KCNH2: variants seen among roughly 807,000 people sequenced by gnomAD.
KCNH2 encodes the protein potassium voltage-gated channel subfamily H member 2.
Under a neutral mutation model 95.9 loss-of-function variants are expected in KCNH2, and 35 were observed. That is an observed-to-expected ratio of 0.37 (90% CI 0.28 to 0.48). KCNH2 has a LOEUF of 0.48. Among genes scored for constraint, KCNH2 ranks in the 20% least tolerant of loss-of-function variants. The probability of loss-of-function intolerance (pLI) is 0.99; values close to 1 mark genes in which losing one functional copy is unlikely to be tolerated. For missense variants in KCNH2, 1,274 were observed against 1,702.9 expected (o/e 0.75, Z 4.43); for synonymous variants, 786 against 754.7 (o/e 1.04, Z -0.68).
At chr7:150,951,236 C>CGA in intron 7 of KCNH2, 116 bp from the exon 8 acceptor site, 1 of 1,038,584 alleles carries the variant, frequency 9.6e-7, no homozygotes, top group Non-Finnish European at 1.4e-6. Context: ...GACATGCCCA[C>CGA]GAGACGCCCT....
At position 150,948,542 on chromosome 7, in the gene KCNH2, G is replaced by A. The variant is rs768059097; in HGVS notation, c.2594C>T (p.Thr865Ile). Residue 865 changes from threonine to isoleucine, a missense_variant and splice_region_variant, in exon 11 of 15, where the codon ACC becomes ATC. Physicochemically the swap from Thr to Ile is moderately conservative, Grantham distance 89. Transcript: ENST00000262186. ...GCCGGGGGAGCCCGGGATCATGTTGGTCTGGAACCAAAATCAGTATCAGGG... is the reference window on the plus strand; with the variant it reads ...GCCGGGGGAGCCCGGGATCATGTTGATCTGGAACCAAAATCAGTATCAGGG... ...SLEITFNLRD[T>I]NMIPGSPGST... 1 of 1,613,438 alleles carries A rather than the reference G, an allele frequency of 6.2e-7. No individual in the cohort carries two copies. The highest frequency in any genetic ancestry group is 8.5e-7 in the Non-Finnish European group (1 of 1,179,830).
chr7:150,946,499 C>G lies in KCNH2; in HGVS notation c.3330+378G>C, dbSNP rs1800893936. On this transcript the variant is annotated intron_variant, in intron 14 of 14. Coordinates refer to ENST00000262186, the MANE Select transcript of KCNH2 (RefSeq NM_000238.4). This position sits in a 1 kb window ranked among gnomAD's most constrained non-coding sequence, Gnocchi z 6.5. The stretch of plus-strand genomic sequence containing the variant: ...GTATGCAGCCTCCACCGCCACGTCT[C>G]GGGCTCAGTCAGTTCTTGGAGACCA... 6.6e-6 allele frequency among the ~76,000 whole-genome samples: 1 copy of G among 152,202 alleles called. No individual in the cohort carries two copies. The highest frequency in any genetic ancestry group is 2.4e-5 in the African/African-American group (1 of 41,454).
rs1223105592 is a variant in KCNH2, at chr7:150,946,376, CT to C, written c.3330+500del. The stretch of plus-strand genomic sequence containing the variant: ...AATGCCAAGCACCCTCAAGATGACC[CT>C]GTGACAGCCACTGCCAAGGGCAAGG... On this transcript the variant is annotated intron_variant, in intron 14 of 14. Coordinates refer to ENST00000262186, the MANE Select transcript of KCNH2 (RefSeq NM_000238.4). This position sits in a 1 kb window ranked among gnomAD's most constrained non-coding sequence, Gnocchi z 6.5. 6.6e-6 allele frequency among the ~76,000 whole-genome samples: 1 copy of C among 152,202 alleles called. No individual in the cohort carries two copies. Among genetic ancestry groups the C allele is most frequent in the African/African-American group, 2.4e-5 (1 of 41,444 alleles).
Position 150,951,441 on chromosome 7 carries a change from C to T in KCNH2, c.1945+7G>A. Reference sequence around the variant, plus strand: ...TCTCCCCGCCGCCCGCCCCTGGGCACACTCACAGCCAATGAGCATGACGCA... The same window carrying T: ...TCTCCCCGCCGCCCGCCCCTGGGCATACTCACAGCCAATGAGCATGACGCA... On this transcript the variant is annotated splice_region_variant and intron_variant, in intron 7 of 14. Transcript: ENST00000262186. The T allele has an allele frequency of 6.2e-7, 1 of 1,613,910 alleles. No homozygotes were observed. The highest frequency in any genetic ancestry group is 1.1e-5 in the South Asian group (1 of 91,080).
At chr7:150,977,112 G>T (rs1801998123) in intron 1 of KCNH2, among the ~76,000 whole-genome samples, 1 of 151,954 alleles carries the variant, frequency 6.6e-6, no homozygotes, top group African/African-American at 2.4e-5. Context: ...GGCATTAGGG[G>T]TGCTGTACTC....
intron 2 of KCNH2, among the ~76,000 whole-genome samples, chr7:150,965,818 G>A (rs779463602): frequency 1.3e-5 from 2 of 152,170 alleles, no homozygotes; most frequent in African/African-American, 2.4e-5. Context: ...CTCAGGGGTG[G>A]TGATCTGCAG....
At chr7:150,948,319 G>T in intron 11 of KCNH2, 125 bp downstream of exon 11, 2 of 784,692 alleles carry the variant, frequency 2.5e-6, no homozygotes, top group Admixed American at 2.0e-5. Flanking sequence ...GTGTGGAGTG[G>T]GCACACTGGA....
chr7:150,958,112 A>G lies in KCNH2; in HGVS notation c.863T>C (p.Ile288Thr), dbSNP rs1563169608. 7.7e-7 allele frequency: 1 copy of G among 1,298,228 alleles called. No individual in the cohort carries two copies. Among genetic ancestry groups the G allele is most frequent in the Non-Finnish European group, 9.7e-7 (1 of 1,027,996 alleles). The allele number at this position is 1,298,228 out of a possible 1,614,324, so 80.4% of individuals were successfully genotyped here. ...CAGCACCCCGGCGCGCATGGCCTCG[A>G]TGTCGTCGGCCGACGAGGCGCGGCG... The part of the protein sequence containing the change: ...SVRRASSADD[I>T]EAMRAGVLPP... The change falls in exon 4 of 15, where the codon ATC (isoleucine) becomes ACC (threonine). Residue 288 changes from isoleucine (I) to threonine (T), a missense_variant. Ile to Thr is a moderately conservative substitution (Grantham distance 89). Around this residue, in one of 7 missense-constraint regions of KCNH2, gnomAD observed 392 missense variants for 429.9 expected, o/e 0.91. Coordinates refer to ENST00000262186, the MANE Select transcript of KCNH2 (RefSeq NM_000238.4).
Position 150,945,450 on chromosome 7 carries a change from G to C in KCNH2, c.3395C>G (p.Pro1132Arg). Reference sequence around the variant, plus strand: ...GCCCGGTAGGGAGAGGCGTCGTGTGGGGCCTTCTTGGGGAAGCTCTGGGGC... The same window carrying C: ...GCCCGGTAGGGAGAGGCGTCGTGTGCGGCCTTCTTGGGGAAGCTCTGGGGC... ...PGAPELPQEG[P>R]TRRLSLPGQL... is the part of the protein sequence containing the mutation. Residue 1132 changes from proline to arginine, a missense_variant, in exon 15 of 15, where the codon CCC becomes CGC. Physicochemically the swap from Pro to Arg is moderately radical, Grantham distance 103. This residue lies in a region of KCNH2 where 457 missense variants were observed against 416.1 expected (regional missense o/e 1.10). Coordinates refer to ENST00000262186, the MANE Select transcript of KCNH2 (RefSeq NM_000238.4). This position sits in a 1 kb window ranked among gnomAD's most constrained non-coding sequence, Gnocchi z 5.6. 2 of 1,563,754 alleles carry C rather than the reference G, an allele frequency of 1.3e-6. No individual in the cohort carries two copies. Among genetic ancestry groups the C allele is most frequent in the Non-Finnish European group, 1.7e-6 (2 of 1,154,192 alleles).
rs199472887 is a variant in KCNH2, at chr7:150,957,452, C to G, written c.967G>C (p.Asp323His). The G allele has an allele frequency of 6.2e-7, 1 of 1,614,122 alleles. No individual in the cohort carries two copies. ...SGLLNSTSDS[D>H]LVRYRTISKI... ...CTAATGGTGCGGTAGCGCACGAGGT[C>G]GGAGTCCGAGGTGGAGTTGAGCAAG... Residue 323 changes from aspartate (D) to histidine (H), a missense_variant, in exon 5 of 15, where the codon GAC becomes CAC. Physicochemically the swap from Asp to His is moderately conservative, Grantham distance 81. This residue lies in a region of KCNH2 where 392 missense variants were observed against 429.9 expected (regional missense o/e 0.91). Transcript: ENST00000262186.
chr7:150,948,624 C>T (rs1801014783), intron 10 of KCNH2, 81 bp from the exon 11 acceptor site: 2 of 1,349,912 alleles, frequency 1.5e-6, no homozygotes, highest in African/African-American at 1.4e-5. Context: ...CTCCTTAACA[C>T]AGAAAAAGTA....
Position 150,955,425 on chromosome 7 carries a change from C to T in KCNH2, c.1128+1866G>A, listed in dbSNP as rs764462112. The T allele has an allele frequency of 1.3e-5, 21 of 1,564,898 alleles. No homozygotes were observed. Among genetic ancestry groups the T allele is most frequent in the Non-Finnish European group, 1.7e-5 (20 of 1,155,484 alleles). ...TGGGCCACGAGGCTGGAGATGCGCA[C>T]GGCCCGCCTCACCCGGCCTTTCTGG... On this transcript the variant is annotated intron_variant, in intron 5 of 14. Transcript: ENST00000262186.
intron 9 of KCNH2, chr7:150,949,589 C>T: frequency 9.3e-7 from 1 of 1,069,594 alleles, no homozygotes; most frequent in Non-Finnish European, 1.1e-6. Context: ...GAAACAAAGT[C>T]TAAAATGTCC....
chr7:150,956,298 G>A (rs1801374382), intron 5 of KCNH2, among the ~76,000 whole-genome samples: 1 of 152,206 alleles, frequency 6.6e-6, no homozygotes, highest in Non-Finnish European at 1.5e-5. Context: ...GTCAAGGCCA[G>A]TGGGCTGGAG....
At chr7:150,964,321 G>A (rs7789146) in intron 2 of KCNH2, among the ~76,000 whole-genome samples, 35,653 of 152,102 alleles carry the variant, frequency 0.23, 4,794 homozygotes, top group African/African-American at 0.36. Context: ...TTGAGCCACC[G>A]TGACCAACAA....
At chr7:150,951,974 C>G in intron 6 of KCNH2, 139 bp from the exon 7 acceptor site, 1 of 770,840 alleles carries the variant, frequency 1.3e-6, no homozygotes, top group South Asian at 1.9e-5. Context: ...AGAGGTGAAG[C>G]CCACACTGGG....
chr7:150,947,376 C>G lies in KCNH2; in HGVS notation c.3104G>C (p.Arg1035Pro). The G allele has an allele frequency of 2.0e-6, 3 of 1,536,498 alleles. No individual in the cohort carries two copies. Among genetic ancestry groups the G allele is most frequent in the South Asian group, 1.2e-5 (1 of 83,646 alleles). The change falls in exon 13 of 15, where the codon CGG becomes CCG. Residue 1035 changes from arginine to proline, a missense_variant. Transcript: ENST00000262186. ...ATCCAGCCTGCTCTCCACGTCGCCC[C>G]GGGGCCGCCGACCCGGGCTGGAGAG... ...IPLSSPGRRP[R>P]GDVESRLDAL... is the part of the protein sequence containing the mutation.
At position 150,957,297 on chromosome 7, in the gene KCNH2, G is replaced by T; in HGVS notation, c.1122C>A (p.Val374=). The change falls in exon 5 of 15, where the codon GTC becomes GTA. Residue 374 remains valine, a synonymous_variant. Coordinates refer to ENST00000262186, the MANE Select transcript of KCNH2 (RefSeq NM_000238.4). ...KERTHNVTEK[V]TQVLSLGADV... The stretch of plus-strand genomic sequence containing the variant: ...CCGGCCGCTGGGCGCCTACCTGGGT[G>T]ACCTTCTCAGTGACATTGTGGGTTC... 1 of 1,573,558 alleles carries T rather than the reference G, an allele frequency of 6.4e-7. No individual in the cohort carries two copies. The highest frequency in any genetic ancestry group is 2.3e-5 in the East Asian group (1 of 42,744).
chr7:150,957,231 T>A, intron 5 of KCNH2, 60 bp downstream of exon 5: 2 of 1,410,584 alleles, frequency 1.4e-6, no homozygotes, highest in East Asian at 2.5e-5. Context: ...CACAGCCCAC[T>A]CCCACCCCCT....
Sources: allele counts gnomAD v4.1 joint callset (sites outside exome capture counted in the v4.1 genomes callset), GRCh38; gene constraint gnomAD v4.1.1; regional missense constraint gnomAD v4.1.1; non-coding constraint Gnocchi (gnomAD v3.1); transcripts MANE v1.5; gene names NCBI Gene and HGNC (gene_info 2026-07-23, HGNC 2026-07-21).